Variants in OR2L13 observed in about 807,000 individuals in gnomAD.
OR2L13 encodes olfactory receptor family 2 subfamily L member 13, also known as olfactory receptor 2L13.
OR2L13 carries 14 observed loss-of-function variants against 15.3 expected under a neutral mutation model. That is an observed-to-expected ratio of 0.91 (90% CI 0.60 to 1.43). The LOEUF (loss-of-function observed/expected upper bound fraction) is 1.43, where lower values mean the gene tolerates loss of function less well. Among genes scored for constraint, OR2L13 ranks in the 40% most tolerant of loss-of-function variants. The pLI is 0.00. For missense variants in OR2L13, 367 were observed against 387.9 expected (o/e 0.95, Z 0.45); for synonymous variants, 152 against 142.9 (o/e 1.06, Z -0.45).
the OR2L13 span, chr1:248,061,593 T>C: frequency 6.2e-7 from 1 of 1,612,536 alleles, no homozygotes; most frequent in Non-Finnish European, 8.5e-7. Context: ...CACGAGTGAG[T>C]CAGAGAATCT....
At chr1:247,951,718 TC>T in the OR2L13 span, among the ~76,000 whole-genome samples, 140 of 152,338 alleles carry the variant, frequency 9.2e-4, no homozygotes, top group African/African-American at 3.2e-3. Flanking sequence ...CTGCTAATCT[TC>T]CTGGCTTTTT....
At chr1:248,093,537 T>C (rs1306706866), upstream of OR2L13, among the ~76,000 whole-genome samples, 2 of 152,174 alleles carry the variant, frequency 1.3e-5, no homozygotes, top group African/African-American at 4.8e-5. Context: ...AAAATCTGTA[T>C]GTGATCATAA....
chr1:247,945,591 G>C, the OR2L13 span, among the ~76,000 whole-genome samples: 2 of 152,072 alleles, frequency 1.3e-5, no homozygotes, highest in African/African-American at 4.8e-5. Context: ...TAGTGACAGT[G>C]GGGTATTAAA....
upstream of OR2L13, among the ~76,000 whole-genome samples, chr1:248,092,492 A>G (rs1285108194): frequency 2.6e-5 from 4 of 152,202 alleles, no homozygotes; most frequent in Non-Finnish European, 4.4e-5. Flanking sequence ...ATAACTGAAC[A>G]GCACCATCAA....
At chr1:247,984,287 A>G in the OR2L13 span, among the ~76,000 whole-genome samples, 1 of 151,636 alleles carries the variant, frequency 6.6e-6, no homozygotes, top group Non-Finnish European at 1.5e-5. Flanking sequence ...AAAACGTGGC[A>G]TTAAATATGA....
the OR2L13 span, among the ~76,000 whole-genome samples, chr1:248,081,563 C>T: frequency 3.3e-5 from 5 of 152,014 alleles, no homozygotes; most frequent in African/African-American, 7.2e-5. Flanking sequence ...GAAATTTCCG[C>T]GACAACATGT....
At chr1:247,950,741 C>T in the OR2L13 span, among the ~76,000 whole-genome samples, 1 of 151,810 alleles carries the variant, frequency 6.6e-6, no homozygotes, top group Non-Finnish European at 1.5e-5. Flanking sequence ...CTGGTGGTCA[C>T]CAGAGGATCG....
chr1:248,071,713 T>C, the OR2L13 span, among the ~76,000 whole-genome samples: 1 of 150,610 alleles, frequency 6.6e-6, no homozygotes, highest in Admixed American at 6.6e-5. Context: ...GAGATGATTG[T>C]ATATCTAGAA....
the OR2L13 span, chr1:248,022,216 C>G: frequency 6.2e-7 from 1 of 1,614,122 alleles, no homozygotes; most frequent in Non-Finnish European, 8.5e-7. Flanking sequence ...GGAAACAAGT[C>G]TATCTCCTTC....
At chr1:247,975,777 T>C in the OR2L13 span, 1 of 382,416 alleles carries the variant, frequency 2.6e-6, no homozygotes, top group Non-Finnish European at 4.6e-6. Context: ...CTCTAGAAAA[T>C]TTTTTAAAAT....
At chr1:247,967,626 A>AT in the OR2L13 span, among the ~76,000 whole-genome samples, 1 of 152,028 alleles carries the variant, frequency 6.6e-6, no homozygotes, top group Non-Finnish European at 1.5e-5. Context: ...ACATTTGATT[A>AT]TTTTTTATTT....
At chr1:247,996,145 C>G in the OR2L13 span, among the ~76,000 whole-genome samples, 8 of 152,212 alleles carry the variant, frequency 5.3e-5, no homozygotes, top group African/African-American at 1.9e-4. Flanking sequence ...TTCTCAACTT[C>G]TACTGTTTTG....
the OR2L13 span, among the ~76,000 whole-genome samples, chr1:247,972,668 C>T: frequency 6.6e-6 from 1 of 152,164 alleles, no homozygotes; most frequent in East Asian, 1.9e-4. Context: ...CAGGACCAGA[C>T]AGATTCACAG....
chr1:248,067,667 G>A, the OR2L13 span, among the ~76,000 whole-genome samples: 38 of 152,336 alleles, frequency 2.5e-4, no homozygotes, highest in Admixed American at 8.5e-4. Flanking sequence ...GCAGCGCACC[G>A]TGTGCGAGCC....
chr1:247,990,866 T>G, the OR2L13 span: 1 of 1,523,636 alleles, frequency 6.6e-7, no homozygotes, highest in South Asian at 1.1e-5. Flanking sequence ...ACGGTGTTTT[T>G]GAGCACCACC....
the OR2L13 span, among the ~76,000 whole-genome samples, chr1:248,074,026 T>A: frequency 6.6e-6 from 1 of 152,076 alleles, no homozygotes; most frequent in African/African-American, 2.4e-5. Flanking sequence ...CTGTGAAATA[T>A]ACCATTAAAA....
chr1:248,091,933 G>A (rs539398365), upstream of OR2L13, among the ~76,000 whole-genome samples: 18 of 152,218 alleles, frequency 1.2e-4, no homozygotes, highest in Non-Finnish European at 1.8e-4. Flanking sequence ...AACATGGAAA[G>A]TTTTTCTATT....
At chr1:248,060,807 A>G in the OR2L13 span, 10 of 1,613,908 alleles carry the variant, frequency 6.2e-6, no homozygotes, top group Admixed American at 5.0e-5. Flanking sequence ...TTGGAAACCT[A>G]TCCATGATTC....
At chr1:248,056,356 G>T in the OR2L13 span, among the ~76,000 whole-genome samples, 3 of 151,886 alleles carry the variant, frequency 2.0e-5, no homozygotes, top group Non-Finnish European at 4.4e-5. Flanking sequence ...ATCTCCTTCA[G>T]TTCCACCCTG....
Sources: gnomAD v4.1 joint callset for allele counts (sites outside exome capture counted in the v4.1 genomes callset) on GRCh38, gnomAD v4.1.1 for gene constraint, MANE v1.5 for transcripts, NCBI Gene and HGNC (gene_info 2026-07-23, HGNC 2026-07-21) for gene names.